The following DHRSX variants were observed in gnomAD, a reference collection of about 807,000 sequenced individuals.
The protein encoded by DHRSX is polyprenol dehydrogenase.
A neutral mutation model predicts 34.0 loss-of-function variants in DHRSX; 31 were observed. That is an observed-to-expected ratio of 0.91 (90% CI 0.69 to 1.23). The LOEUF is 1.23. Ranked by LOEUF, DHRSX falls within the 50% of genes most tolerant of loss-of-function variation. The pLI is 0.00. For synonymous variants in DHRSX, 201 were observed against 183.8 expected (o/e 1.09, Z -0.76); for missense variants, 414 against 428.1 (o/e 0.97, Z 0.29).
chrX:2,466,467 G>C (rs1009799011), intron 1 of DHRSX, among the ~76,000 whole-genome samples: 1 of 152,054 alleles, frequency 6.6e-6, no homozygotes, highest in Non-Finnish European at 1.5e-5. Flanking sequence ...GAAAACATGG[G>C]ATGATGCCCT....
intron 1 of DHRSX, among the ~76,000 whole-genome samples, chrX:2,471,071 G>A (rs1400171773): frequency 2.0e-5 from 3 of 152,106 alleles, no homozygotes; most frequent in African/African-American, 4.8e-5. Context: ...CCTCATATAC[G>A]TGTATACAAT....
At chrX:2,293,650 G>A (rs1488168061) in intron 3 of DHRSX, among the ~76,000 whole-genome samples, 8 of 152,164 alleles carry the variant, frequency 5.3e-5, no homozygotes, top group Non-Finnish European at 1.2e-4. Flanking sequence ...GGCTGGTTCT[G>A]GGCTGGCCGA....
rs142961715 is a variant in DHRSX, at chrX:2,389,299, G to C, written c.286+19446C>G. 8.3e-3 allele frequency among the ~76,000 whole-genome samples: 1,271 copies of C among 152,262 alleles called. 15 individuals carry two copies. The highest frequency in any genetic ancestry group is 0.029 in the African/African-American group (1,187 of 41,552). ...CTCATGGGGGGAAAGAGAGGGAAAG[G>C]CTGGGCCAGAGGCAGCAGAAATCTC... On this transcript the variant is annotated intron_variant, in intron 3 of 6. Transcript: ENST00000334651.
chrX:2,240,295 AAAAAAAAGAAAAAGAAAAAG>A (rs2016111148), intron 6 of DHRSX, among the ~76,000 whole-genome samples: 1 of 151,592 alleles, frequency 6.6e-6, no homozygotes, highest in Non-Finnish European at 1.5e-5. Flanking sequence ...CTATCTCAAA[AAAAAAAAGAAAAAGAAAAAG>A]AAAAAAAGAA....
At chrX:2,410,700 A>G (rs2043616056) in intron 2 of DHRSX, among the ~76,000 whole-genome samples, 3 of 152,234 alleles carry the variant, frequency 2.0e-5, no homozygotes, top group Admixed American at 2.0e-4. Flanking sequence ...AAAAACAATG[A>G]AAATGTTTTC....
intron 1 of DHRSX, chrX:2,489,299 A>G: frequency 2.5e-6 from 4 of 1,613,828 alleles, no homozygotes; most frequent in Non-Finnish European, 3.4e-6. Context: ...GGGGTCCAGG[A>G]AGGTGGCCAC....
intron 3 of DHRSX, among the ~76,000 whole-genome samples, chrX:2,296,547 CCCCAGGCAGA>C (rs2041934744): frequency 1.1e-5 from 1 of 92,036 alleles, no homozygotes; most frequent in Admixed American, 1.2e-4. Flanking sequence ...GGCAGATAGA[CCCCAGGCAGA>C]TAGGAATAGG....
intron 3 of DHRSX, among the ~76,000 whole-genome samples, chrX:2,355,511 T>A (rs868568777): frequency 4.0e-5 from 3 of 75,304 alleles, no homozygotes; most frequent in Admixed American, 2.3e-4. Context: ...AGACCCCATC[T>A]AAAAAAAAAA....
At chrX:2,480,745 G>A (rs2044756279) in intron 1 of DHRSX, among the ~76,000 whole-genome samples, 1 of 152,096 alleles carries the variant, frequency 6.6e-6, no homozygotes, top group Admixed American at 6.6e-5. Context: ...CCTGAGCCAG[G>A]AGTTGGAGGC....
chrX:2,408,121 C>G, intron 3 of DHRSX, among the ~76,000 whole-genome samples: 1 of 146,430 alleles, frequency 6.8e-6, no homozygotes, highest in Non-Finnish European at 1.5e-5. Flanking sequence ...TTCTTTCTTT[C>G]TTTTTTTTTT....
At chrX:2,308,379 C>CTGTTCGACAAT (rs200713029) in intron 3 of DHRSX, among the ~76,000 whole-genome samples, 1 of 152,070 alleles carries the variant, frequency 6.6e-6, no homozygotes, top group Admixed American at 6.6e-5. Context: ...GTTAAAACAA[C>CTGTTCGACAAT]TGTTCGACAA....
At chrX:2,424,114 G>A (rs983449546) in intron 2 of DHRSX, among the ~76,000 whole-genome samples, 2 of 152,098 alleles carry the variant, frequency 1.3e-5, no homozygotes, top group African/African-American at 4.8e-5. Flanking sequence ...TTGAACTGGT[G>A]TCCTTATAAG....
At chrX:2,444,321 TA>T (rs1454493341) in intron 1 of DHRSX, among the ~76,000 whole-genome samples, 1 of 152,182 alleles carries the variant, frequency 6.6e-6, no homozygotes, top group African/African-American at 2.4e-5. Context: ...CTTTCTCCTC[TA>T]AACATTTATA....
intron 3 of DHRSX, among the ~76,000 whole-genome samples, chrX:2,335,180 A>G (rs986978375): frequency 8.5e-5 from 11 of 128,998 alleles, no homozygotes; most frequent in African/African-American, 2.8e-4. Context: ...GTAGGACTCC[A>G]TCTCAAAAAA....
chrX:2,351,259 A>T (rs1215426097), intron 3 of DHRSX, among the ~76,000 whole-genome samples: 1 of 152,204 alleles, frequency 6.6e-6, no homozygotes, highest in Non-Finnish European at 1.5e-5. Context: ...AAAAAGAAAG[A>T]AAGTCAAAGA....
intron 1 of DHRSX, among the ~76,000 whole-genome samples, chrX:2,472,540 T>A: frequency 6.6e-6 from 1 of 152,032 alleles, no homozygotes; most frequent in East Asian, 1.9e-4. Context: ...GAGGCCAAGA[T>A]GGGTGGATCA....
At chrX:2,482,005 C>G (rs2044780399) in intron 1 of DHRSX, among the ~76,000 whole-genome samples, 1 of 151,630 alleles carries the variant, frequency 6.6e-6, no homozygotes, top group Non-Finnish European at 1.5e-5. Flanking sequence ...CAGGCTATTG[C>G]CCAGCCTGGA....
At chrX:2,500,757 CGAG>C in intron 1 of DHRSX, 57 bp downstream of exon 1, 23 of 875,890 alleles carry the variant, frequency 2.6e-5, no homozygotes, top group Non-Finnish European at 3.1e-5. Flanking sequence ...CCCCCGCCCC[CGAG>C]CCAGCCCGCG....
intron 2 of DHRSX, among the ~76,000 whole-genome samples, chrX:2,411,678 G>C (rs1238215222): frequency 1.3e-5 from 2 of 151,620 alleles, no homozygotes; most frequent in Non-Finnish European, 2.9e-5. Context: ...AGTGAGATGA[G>C]ATTGCGCCAC....
Sources: allele counts gnomAD v4.1 joint callset (sites outside exome capture counted in the v4.1 genomes callset), GRCh38; gene constraint gnomAD v4.1.1; transcripts MANE v1.5; gene names NCBI Gene and HGNC (gene_info 2026-07-23, HGNC 2026-07-21).